Variants in USH2A observed in about 807,000 individuals in gnomAD.
USH2A encodes the protein Usher syndrome 2A (autosomal recessive, mild).
USH2A carries 443 observed loss-of-function variants against 538.9 expected under a neutral mutation model. The observed-to-expected ratio is 0.82, with a 90% confidence interval of 0.76 to 0.89. The LOEUF is 0.89. USH2A is among the 40% of genes least tolerant of loss of function. The pLI, the probability that USH2A is intolerant of heterozygous loss-of-function variation, is 0.00. For synonymous variants in USH2A, 2,413 were observed against 2,273.5 expected (o/e 1.06, Z -1.75); for missense variants, 6,633 against 6,324.8 (o/e 1.05, Z -1.65).
At chr1:215,693,092 A>ATGTGTGTGTGTG (rs60566275) in intron 61 of USH2A, among the ~76,000 whole-genome samples, 90 of 131,678 alleles carry the variant, frequency 6.8e-4, no homozygotes, top group Middle Eastern at 4.2e-3. Context: ...ATATATATAT[A>ATGTGTGTGTGTG]TGTGTGTGTG....
rs149465057 is a variant in USH2A, at chr1:216,070,259, C to A, written c.5891G>T (p.Arg1964Leu). 2.2e-5 allele frequency: 35 copies of A among 1,613,784 alleles called. No individual in the cohort carries two copies. The highest frequency in any genetic ancestry group is 5.9e-6 in the Non-Finnish European group (7 of 1,179,892). ...PQSVPTPSRV[R>L]SLNGYSIEVT... Reference sequence around the variant, plus strand: ...CTCAATGCTGTATCCATTTAAGCTGCGGACTCTTGAGGGAGTTGGCACACT... The same window carrying A: ...CTCAATGCTGTATCCATTTAAGCTGAGGACTCTTGAGGGAGTTGGCACACT... The change falls in exon 30 of 72, where the codon CGC (arginine) becomes CTC (leucine). Residue 1964 changes from arginine (R) to leucine (L), a missense_variant. Physicochemically the swap from Arg to Leu is moderately radical, Grantham distance 102. Transcript: ENST00000307340.
At chr1:215,854,666 T>C (rs1664109838) in intron 44 of USH2A, among the ~76,000 whole-genome samples, 1 of 152,186 alleles carries the variant, frequency 6.6e-6, no homozygotes. Context: ...TGCACGGAGC[T>C]TTATAGACTG....
chr1:215,693,348 A>G (rs1229743179), intron 61 of USH2A, among the ~76,000 whole-genome samples: 5 of 151,984 alleles, frequency 3.3e-5, no homozygotes, highest in South Asian at 2.1e-4. Flanking sequence ...TGCTCCTACT[A>G]TGTCAGACTT....
intron 3 of USH2A, among the ~76,000 whole-genome samples, chr1:216,365,371 G>A (rs868051552): frequency 2.6e-5 from 4 of 152,232 alleles, no homozygotes; most frequent in Admixed American, 2.6e-4. Flanking sequence ...GTTTTACAGG[G>A]TTTTTGAGGA....
intron 11 of USH2A, among the ~76,000 whole-genome samples, chr1:216,271,849 C>T (rs2036582554): frequency 6.6e-6 from 1 of 152,032 alleles, no homozygotes; most frequent in Non-Finnish European, 1.5e-5. Flanking sequence ...ACTTTGCATT[C>T]CTGGGAGAAA....
At position 215,692,208 on chromosome 1, in the gene USH2A, T is replaced by C. The variant is rs1473372918; in HGVS notation, c.12067-11832A>G. On this transcript the variant is annotated intron_variant, in intron 61 of 71. Transcript: ENST00000307340. Reference sequence around the variant, plus strand: ...TAATGGAGTGATAAGGACAGAAACCTGGTTGGAGTGGGTGGAAGGGAGAAC... The same window carrying C: ...TAATGGAGTGATAAGGACAGAAACCCGGTTGGAGTGGGTGGAAGGGAGAAC... Among the ~76,000 whole-genome samples, 4 of 152,066 alleles carry C rather than the reference T, an allele frequency of 2.6e-5. No individual in the cohort carries two copies. The East Asian group carries it at 7.7e-4, about 29-fold the overall frequency.
chr1:216,242,223 C>T (rs1281971764), intron 13 of USH2A, among the ~76,000 whole-genome samples: 1 of 151,264 alleles, frequency 6.6e-6, no homozygotes, highest in Non-Finnish European at 1.5e-5. Flanking sequence ...TTAGCCAGGC[C>T]TGTAGTCCCA....
At chr1:216,306,318 T>C (rs1232023368) in intron 9 of USH2A, among the ~76,000 whole-genome samples, 4 of 152,156 alleles carry the variant, frequency 2.6e-5, no homozygotes, top group Admixed American at 6.5e-5. Flanking sequence ...CTTTCCAGTG[T>C]ATTTTGCATT....
chr1:216,088,675 A>G (rs2032207510), intron 23 of USH2A, among the ~76,000 whole-genome samples: 2 of 152,204 alleles, frequency 1.3e-5, no homozygotes, highest in Admixed American at 6.6e-5. Flanking sequence ...TCATCTCCAA[A>G]TGCAGACAAA....
intron 3 of USH2A, among the ~76,000 whole-genome samples, chr1:216,414,991 A>G (rs917353762): frequency 4.6e-5 from 7 of 152,126 alleles, no homozygotes; most frequent in African/African-American, 1.4e-4. Context: ...TCTTGCAGTT[A>G]TACAATGGAA....
chr1:216,376,358 T>C (rs904880713), intron 3 of USH2A, among the ~76,000 whole-genome samples: 1 of 152,082 alleles, frequency 6.6e-6, no homozygotes, highest in African/African-American at 2.4e-5. Flanking sequence ...ATTAATATGA[T>C]TTAGCAAAGT....
At chr1:216,022,313 G>GAA (rs1668862171) in intron 32 of USH2A, among the ~76,000 whole-genome samples, 1 of 152,130 alleles carries the variant, frequency 6.6e-6, no homozygotes. Flanking sequence ...TGGGGTTGTG[G>GAA]GGGACAGTCA....
chr1:216,074,846 C>T (rs2031695627), intron 27 of USH2A, among the ~76,000 whole-genome samples: 1 of 152,110 alleles, frequency 6.6e-6, no homozygotes. Flanking sequence ...CAAACAAGTG[C>T]TGTTATAAGA....
In USH2A at chr1:215,809,916, A is replaced by G. The variant is rs558542877; in HGVS notation, c.9739+3820T>C. ...TTTAGATGCAACAGGATTTGGGACC[A>G]TTGCGCTTTTTTCCCCCTCAGTGTA... On this transcript the variant is annotated intron_variant, in intron 49 of 71. Transcript: ENST00000307340. Among the ~76,000 whole-genome samples, 5 of 152,306 alleles carry G rather than the reference A, an allele frequency of 3.3e-5. No homozygotes were observed. The South Asian group carries it at 1.0e-3, about 32-fold the overall frequency.
intron 58 of USH2A, 84 bp downstream of exon 58, chr1:215,758,511 T>C: frequency 1.3e-6 from 2 of 1,505,514 alleles, no homozygotes; most frequent in Non-Finnish European, 1.8e-6. Context: ...TCTGATTTAC[T>C]AAATTAACAG....
At chr1:215,796,105 A>G (rs897234618) in intron 50 of USH2A, among the ~76,000 whole-genome samples, 3 of 152,206 alleles carry the variant, frequency 2.0e-5, no homozygotes, top group Non-Finnish European at 4.4e-5. Flanking sequence ...TTTCTTTCTG[A>G]GTCTGCATTC....
intron 9 of USH2A, among the ~76,000 whole-genome samples, chr1:216,301,639 T>G (rs2037218661): frequency 6.6e-6 from 1 of 152,142 alleles, no homozygotes; most frequent in South Asian, 2.1e-4. Context: ...CTATAAAATT[T>G]AGAGATATGG....
chr1:216,164,612 G>C (rs1415707075), intron 21 of USH2A, among the ~76,000 whole-genome samples: 2 of 152,082 alleles, frequency 1.3e-5, no homozygotes, highest in Non-Finnish European at 2.9e-5. Flanking sequence ...GAAATGAGAT[G>C]CAGAACATGT....
At chr1:215,772,875 G>A (rs1461997924) in intron 55 of USH2A, among the ~76,000 whole-genome samples, 1 of 152,208 alleles carries the variant, frequency 6.6e-6, no homozygotes, top group African/African-American at 2.4e-5. Flanking sequence ...CAAGCACTGA[G>A]AGGCCTGAGT....
Sources: gnomAD v4.1 joint callset for allele counts (sites outside exome capture counted in the v4.1 genomes callset) on GRCh38, gnomAD v4.1.1 for gene constraint, MANE v1.5 for transcripts, NCBI Gene and HGNC (gene_info 2026-07-23, HGNC 2026-07-21) for gene names.